Variants in DOK5 observed in about 807,000 individuals in gnomAD.
DOK5 encodes downstream of tyrosine kinase 5.
A neutral mutation model predicts 43.3 loss-of-function variants in DOK5; 27 were observed. The ratio of observed to expected loss-of-function variants is 0.62; its 90% CI spans 0.46 to 0.86. DOK5 has a LOEUF of 0.86. DOK5 is among the 40% of genes least tolerant of loss of function. The pLI is 0.00. For missense variants in DOK5, 373 were observed against 392.9 expected, an observed-to-expected ratio of 0.95 and a Z score of 0.43; for synonymous variants, 146 against 140.1, an observed-to-expected ratio of 1.04 and a Z score of -0.30.
chr20:54,643,433 A>T, intron 6 of DOK5, 25 bp from the exon 7 acceptor site: 10 of 1,611,718 alleles, frequency 6.2e-6, no homozygotes, highest in Non-Finnish European at 8.5e-6. Context: ...TTGCTGACGC[A>T]CAACTTTCTT....
At chr20:54,532,349 A>G (rs1983805326) in intron 1 of DOK5, among the ~76,000 whole-genome samples, 1 of 152,152 alleles carries the variant, frequency 6.6e-6, no homozygotes, top group South Asian at 2.1e-4. Context: ...TTAATTGTAT[A>G]TGCTTCTCCC....
chr20:54,572,226 T>A (rs1276537799), intron 2 of DOK5, among the ~76,000 whole-genome samples: 8 of 151,824 alleles, frequency 5.3e-5, no homozygotes, highest in African/African-American at 1.5e-4. Flanking sequence ...AGTGGCGCGA[T>A]CTTGGCTCAC....
intron 5 of DOK5, among the ~76,000 whole-genome samples, chr20:54,599,989 TAGAC>T (rs1479074221): frequency 6.6e-6 from 1 of 152,134 alleles, no homozygotes; most frequent in Non-Finnish European, 1.5e-5. Flanking sequence ...GGAAGGATGA[TAGAC>T]AGTGCCAAAG....
chr20:54,546,952 C>T (rs1002041673), intron 1 of DOK5, among the ~76,000 whole-genome samples: 1 of 152,048 alleles, frequency 6.6e-6, no homozygotes, highest in Non-Finnish European at 1.5e-5. Flanking sequence ...AGAATCTTGG[C>T]TTATGGGGAG....
intron 2 of DOK5, among the ~76,000 whole-genome samples, chr20:54,561,724 C>T (rs1196185837): frequency 6.6e-6 from 1 of 152,170 alleles, no homozygotes; most frequent in Non-Finnish European, 1.5e-5. Flanking sequence ...GGTGCGATCT[C>T]GGCTCACCGC....
At chr20:54,640,261 G>A (rs190947503) in intron 6 of DOK5, among the ~76,000 whole-genome samples, 35 of 152,308 alleles carry the variant, frequency 2.3e-4, no homozygotes, top group Middle Eastern at 3.4e-3. Flanking sequence ...ATGCATTGAC[G>A]TTATTTGAGG....
intron 1 of DOK5, among the ~76,000 whole-genome samples, chr20:54,476,429 G>A (rs1981429332): frequency 3.3e-5 from 5 of 152,126 alleles, no homozygotes. Flanking sequence ...AAGAGGACAC[G>A]CATACTCGGT....
intron 2 of DOK5, among the ~76,000 whole-genome samples, chr20:54,586,940 G>A (rs1166655667): frequency 6.6e-6 from 1 of 151,982 alleles, no homozygotes; most frequent in Admixed American, 6.6e-5. Context: ...GCAGGCTTTT[G>A]TCCCACGTGC....
intron 1 of DOK5, among the ~76,000 whole-genome samples, chr20:54,518,653 C>T (rs1983285966): frequency 1.3e-5 from 2 of 152,116 alleles, no homozygotes; most frequent in African/African-American, 4.8e-5. Flanking sequence ...AATGGGATGG[C>T]TGAGTCAAAT....
intron 5 of DOK5, among the ~76,000 whole-genome samples, chr20:54,600,426 A>C (rs866184399): frequency 1.3e-5 from 2 of 152,140 alleles, no homozygotes; most frequent in Admixed American, 6.5e-5. Flanking sequence ...TAAGTCACTA[A>C]AATGACTCCC....
intron 5 of DOK5, among the ~76,000 whole-genome samples, chr20:54,592,851 G>T (rs1019327360): frequency 1.3e-5 from 2 of 152,096 alleles, no homozygotes; most frequent in Non-Finnish European, 2.9e-5. Flanking sequence ...TTCTATTTTA[G>T]AATTTTAAAT....
intron 2 of DOK5, among the ~76,000 whole-genome samples, chr20:54,587,118 G>C (rs1985829702): frequency 1.3e-5 from 2 of 152,110 alleles, no homozygotes; most frequent in Admixed American, 1.3e-4. Flanking sequence ...TGGGGTAGTG[G>C]CAAAAAATAA....
intron 4 of DOK5, among the ~76,000 whole-genome samples, chr20:54,590,042 C>G (rs963378266): frequency 3.3e-5 from 5 of 152,188 alleles, no homozygotes; most frequent in Admixed American, 3.3e-4. Context: ...GAAAACCTGG[C>G]AGGTTTTGAT....
chr20:54,484,150 G>A (rs1285224117), intron 1 of DOK5, among the ~76,000 whole-genome samples: 3 of 151,798 alleles, frequency 2.0e-5, no homozygotes, highest in Non-Finnish European at 4.4e-5. Context: ...AGGCCGAGGC[G>A]GGTGGATCAC....
At chr20:54,568,342 T>TATGC (rs1985161515) in intron 2 of DOK5, among the ~76,000 whole-genome samples, 1 of 152,262 alleles carries the variant, frequency 6.6e-6, no homozygotes, top group South Asian at 2.1e-4. Flanking sequence ...TTCACATTTG[T>TATGC]ATGCATATGT....
chr20:54,624,637 A>G (rs954964451), intron 6 of DOK5, among the ~76,000 whole-genome samples: 2 of 151,318 alleles, frequency 1.3e-5, no homozygotes, highest in African/African-American at 2.4e-5. Context: ...AAGGATATCT[A>G]TTTCAATGTA....
intron 1 of DOK5, among the ~76,000 whole-genome samples, chr20:54,548,398 A>C (rs557295201): frequency 3.6e-4 from 54 of 151,330 alleles, no homozygotes; most frequent in Middle Eastern, 6.8e-3. Context: ...ACCACACCTA[A>C]TTTTTGTATT....
chr20:54,553,404 C>A (rs1268058733), intron 1 of DOK5, among the ~76,000 whole-genome samples: 1 of 151,848 alleles, frequency 6.6e-6, no homozygotes, highest in Non-Finnish European at 1.5e-5. Flanking sequence ...ACCATGTTAG[C>A]CAGGATGGTC....
At position 54,550,073 on chromosome 20, in the gene DOK5, A is replaced by G. The variant is rs200261981; in HGVS notation, c.67-4860A>G. On this transcript the variant is annotated intron_variant, in intron 1 of 7. Transcript: ENST00000262593. The stretch of plus-strand genomic sequence containing the variant: ...TGAGAATGTTCATTTTCATGGCTGA[A>G]TCTCCACCTGAAAAGGATTTTGTGC... Among the ~76,000 whole-genome samples, 17 of 151,874 alleles carry G rather than the reference A, an allele frequency of 1.1e-4. No individual in the cohort carries two copies. The East Asian group carries it at 3.3e-3, about 30-fold the overall frequency.
Sources: allele counts gnomAD v4.1 joint callset (sites outside exome capture counted in the v4.1 genomes callset), GRCh38; gene constraint gnomAD v4.1.1; transcripts MANE v1.5; gene names NCBI Gene and HGNC (gene_info 2026-07-23, HGNC 2026-07-21).